KDM2A: variants seen among roughly 807,000 people sequenced by gnomAD.
KDM2A encodes lysine demethylase 2A, also known as lysine-specific demethylase 2A.
In KDM2A, 3 loss-of-function variants were observed where a neutral mutation model predicts 137.3. The ratio of observed to expected loss-of-function variants is 0.02; its 90% CI spans 0.01 to 0.06. The LOEUF is 0.06. KDM2A is among the 10% of genes least tolerant of loss of function. KDM2A has a pLI of 1.00. For missense variants in KDM2A, 738 were observed against 1,510.6 expected (o/e 0.49, Z 8.48); for synonymous variants, 512 against 541.5 (o/e 0.95, Z 0.76).
At chr11:67,177,453 T>G (rs1856995317) in intron 2 of KDM2A, among the ~76,000 whole-genome samples, 1 of 149,446 alleles carries the variant, frequency 6.7e-6, no homozygotes. Flanking sequence ...TCTACTAAAG[T>G]TTTTTTTTTA....
At chr11:67,200,705 C>G (rs1320190852) in intron 5 of KDM2A, among the ~76,000 whole-genome samples, 4 of 151,922 alleles carry the variant, frequency 2.6e-5, no homozygotes. Flanking sequence ...CACAGTTTGA[C>G]CCTGTTACCC....
chr11:67,178,223 T>A, intron 2 of KDM2A, among the ~76,000 whole-genome samples: 1 of 151,996 alleles, frequency 6.6e-6, no homozygotes, highest in East Asian at 1.9e-4. Context: ...CTGGCCAACA[T>A]GGGAAACCCC....
chr11:67,203,003 CA>C (rs752108775), intron 5 of KDM2A, among the ~76,000 whole-genome samples: 15,863 of 104,788 alleles, frequency 0.15, 2,378 homozygotes, highest in African/African-American at 0.41. Flanking sequence ...CGTCCGCCGC[CA>C]AAAAAAAAAA....
At chr11:67,241,993 C>T (rs1859057354) in intron 12 of KDM2A, among the ~76,000 whole-genome samples, 2 of 152,140 alleles carry the variant, frequency 1.3e-5, no homozygotes, top group South Asian at 2.1e-4. Context: ...AGCTTGAACA[C>T]GGGAGGCGAG....
At chr11:67,209,121 C>T (rs992690401) in intron 6 of KDM2A, among the ~76,000 whole-genome samples, 7 of 151,560 alleles carry the variant, frequency 4.6e-5, no homozygotes, top group African/African-American at 7.3e-5. Flanking sequence ...TTGTTAGAGA[C>T]GGGGTTTCAT....
chr11:67,185,865 A>C (rs1032305363), intron 5 of KDM2A, among the ~76,000 whole-genome samples: 40 of 151,770 alleles, frequency 2.6e-4, no homozygotes, highest in African/African-American at 9.2e-4. Context: ...AAAGGCCCTC[A>C]CCAGATGCTG....
intron 12 of KDM2A, among the ~76,000 whole-genome samples, chr11:67,234,065 AAC>A (rs762729328): frequency 5.6e-4 from 86 of 152,364 alleles, no homozygotes; most frequent in South Asian, 2.1e-3. Flanking sequence ...GTCAGAAGAC[AAC>A]AGATTTAGAT....
At chr11:67,186,810 G>A (rs1440873179) in intron 5 of KDM2A, among the ~76,000 whole-genome samples, 2 of 152,194 alleles carry the variant, frequency 1.3e-5, no homozygotes, top group African/African-American at 2.4e-5. Flanking sequence ...GTATATGCCT[G>A]TAATCCCAGC....
At chr11:67,224,097 T>C (rs1445867065) in intron 10 of KDM2A, among the ~76,000 whole-genome samples, 1 of 152,218 alleles carries the variant, frequency 6.6e-6, no homozygotes, top group East Asian at 1.9e-4. Flanking sequence ...GTGATCTCCT[T>C]ATTCCCCAGT....
intron 5 of KDM2A, chr11:67,195,711 T>C: frequency 6.0e-6 from 1 of 167,808 alleles, no homozygotes; most frequent in African/African-American, 2.4e-5. Flanking sequence ...CAAATTGCAG[T>C]TTTCTGTTAG....
intron 2 of KDM2A, among the ~76,000 whole-genome samples, chr11:67,149,505 G>A (rs993023541): frequency 6.6e-6 from 1 of 151,848 alleles, no homozygotes; most frequent in Non-Finnish European, 1.5e-5. Context: ...CTGTATTATT[G>A]TAGAAATTAA....
chr11:67,130,448 A>C (rs935642404), intron 2 of KDM2A, among the ~76,000 whole-genome samples: 1 of 152,126 alleles, frequency 6.6e-6, no homozygotes, highest in Non-Finnish European at 1.5e-5. Context: ...CCCGGCCTTA[A>C]GCTCTCCTGT....
rs1001551812 is a variant in KDM2A at position 67,200,147 on chromosome 11, C to T, written c.308-7363C>T. On this transcript the variant is annotated intron_variant, in intron 5 of 20. Coordinates refer to ENST00000529006, the MANE Select transcript of KDM2A (RefSeq NM_012308.3). ...AGGTTCCTTTCAAAATGTTACTGCT[C>T]ACTGGCAGTGTACCTCTTCACCCAA... Among the ~76,000 whole-genome samples the T allele has an allele frequency of 3.3e-5, 5 of 152,176 alleles. No homozygotes were observed. The East Asian group carries it at 9.6e-4, about 29-fold the overall frequency.
At position 67,228,260 on chromosome 11, in the gene KDM2A, T is replaced by A. The variant is rs577859668; in HGVS notation, c.1084+97T>A. ...GGCTGTCACTCAATATGTTCTTGGTTTTTTAATTCATCTACTTGGAAGTAC... is the reference window on the plus strand; with the variant it reads ...GGCTGTCACTCAATATGTTCTTGGTATTTTAATTCATCTACTTGGAAGTAC... On this transcript the variant is annotated intron_variant, in intron 11 of 20. Coordinates refer to ENST00000529006, the MANE Select transcript of KDM2A (RefSeq NM_012308.3). The A allele has an allele frequency of 6.7e-6, 9 of 1,338,686 alleles. No individual in the cohort carries two copies. In the Admixed American group the frequency reaches 8.4e-5, roughly 12 times the overall value. The allele number at this position is 1,338,686 out of a possible 1,614,324, so 82.9% of individuals were successfully genotyped here.
At chr11:67,186,929 TATTA>T (rs1283982960) in intron 5 of KDM2A, among the ~76,000 whole-genome samples, 4 of 152,178 alleles carry the variant, frequency 2.6e-5, no homozygotes, top group Non-Finnish European at 5.9e-5. Flanking sequence ...ATGAATGAGT[TATTA>T]ATTTAAGTTT....
At chr11:67,221,177 A>C (rs1211736296) in intron 10 of KDM2A, among the ~76,000 whole-genome samples, 2 of 152,206 alleles carry the variant, frequency 1.3e-5, no homozygotes, top group Non-Finnish European at 2.9e-5. Context: ...GCTGAATCAT[A>C]TATGAAAGTA....
chr11:67,181,469 T>C, intron 4 of KDM2A, 71 bp downstream of exon 4: 1 of 982,432 alleles, frequency 1.0e-6, no homozygotes, highest in Non-Finnish European at 1.6e-6. Context: ...TAAACAGTGG[T>C]GGTATTGATA....
chr11:67,141,685 AT>A (rs35062999), intron 2 of KDM2A, among the ~76,000 whole-genome samples: 42,158 of 89,200 alleles, frequency 0.47, 10,660 homozygotes, highest in South Asian at 0.65. Context: ...AAAAAAAAAT[AT>A]ATATATATAT....
intron 2 of KDM2A, among the ~76,000 whole-genome samples, chr11:67,147,507 A>C (rs1590722334): frequency 6.7e-6 from 1 of 150,210 alleles, no homozygotes; most frequent in African/African-American, 2.4e-5. Context: ...GCGCCACTGC[A>C]CTCCAGCCTG....
Sources: gnomAD v4.1 joint callset for allele counts (sites outside exome capture counted in the v4.1 genomes callset) on GRCh38, gnomAD v4.1.1 for gene constraint, MANE v1.5 for transcripts, NCBI Gene and HGNC (gene_info 2026-07-23, HGNC 2026-07-21) for gene names.